PXDNL: variants seen among roughly 807,000 people sequenced by gnomAD.
The protein encoded by PXDNL is peroxidasin like.
PXDNL carries 145 observed loss-of-function variants against 150.8 expected under a neutral mutation model. The observed-to-expected ratio is 0.96, with a 90% CI of 0.84 to 1.10. PXDNL has a LOEUF of 1.10. Among genes scored for constraint, PXDNL ranks in the 50% least tolerant of loss-of-function variants. The pLI, the probability that PXDNL is intolerant of heterozygous loss-of-function variation, is 0.00. For missense variants in PXDNL, 2,087 were observed against 1,873.9 expected, an observed-to-expected ratio of 1.11 and a Z score of -2.10; for synonymous variants, 757 against 725.7, an observed-to-expected ratio of 1.04 and a Z score of -0.69.
intron 21 of PXDNL, among the ~76,000 whole-genome samples, chr8:51,323,955 A>ACT: frequency 6.6e-6 from 1 of 150,884 alleles, no homozygotes; most frequent in African/African-American, 2.4e-5. Context: ...AAATAAAAAA[A>ACT]AAAAGAATCT....
At chr8:51,700,999 A>G (rs1383225083) in intron 1 of PXDNL, among the ~76,000 whole-genome samples, 2 of 152,040 alleles carry the variant, frequency 1.3e-5, no homozygotes, top group Non-Finnish European at 2.9e-5. Context: ...ATACATACAG[A>G]CACAGAGATG....
At chr8:51,526,424 TA>T (rs1200221248) in intron 4 of PXDNL, among the ~76,000 whole-genome samples, 1 of 151,836 alleles carries the variant, frequency 6.6e-6, no homozygotes, top group African/African-American at 2.4e-5. Flanking sequence ...ATGAAGCCAA[TA>T]GTGTCTAAAG....
intron 2 of PXDNL, among the ~76,000 whole-genome samples, chr8:51,636,029 A>C (rs754128039): frequency 1.8e-4 from 28 of 152,154 alleles, no homozygotes; most frequent in Non-Finnish European, 2.9e-4. Flanking sequence ...TAACCTAAGA[A>C]TGCAAGGATA....
chr8:51,441,410 C>A (rs560743455), intron 12 of PXDNL, among the ~76,000 whole-genome samples: 1 of 152,070 alleles, frequency 6.6e-6, no homozygotes, highest in African/African-American at 2.4e-5. Flanking sequence ...CACACAGAAG[C>A]GGAGACTAGC....
intron 1 of PXDNL, among the ~76,000 whole-genome samples, chr8:51,726,696 C>T (rs767941646): frequency 3.3e-5 from 5 of 152,120 alleles, no homozygotes; most frequent in Non-Finnish European, 5.9e-5. Context: ...TAAAATAAAT[C>T]TTGCAGTGAC....
At chr8:51,778,650 G>C (rs1234314526) in intron 1 of PXDNL, among the ~76,000 whole-genome samples, 1 of 152,198 alleles carries the variant, frequency 6.6e-6, no homozygotes, top group African/African-American at 2.4e-5. Flanking sequence ...CAAAATGACA[G>C]GACTGGAAAG....
intron 4 of PXDNL, among the ~76,000 whole-genome samples, chr8:51,548,945 A>G (rs1812421349): frequency 2.6e-5 from 4 of 152,134 alleles, no homozygotes; most frequent in Admixed American, 2.6e-4. Context: ...CACCTAACAC[A>G]TAAGGACTCA....
At chr8:51,697,996 A>G (rs913935767) in intron 1 of PXDNL, among the ~76,000 whole-genome samples, 4 of 152,238 alleles carry the variant, frequency 2.6e-5, no homozygotes, top group African/African-American at 9.6e-5. Flanking sequence ...AAAGTACTTA[A>G]GTAAAACATA....
chr8:51,725,079 C>T (rs1048468013), intron 1 of PXDNL, among the ~76,000 whole-genome samples: 8 of 152,074 alleles, frequency 5.3e-5, no homozygotes, highest in South Asian at 4.1e-4. Context: ...GTTCGAACTC[C>T]GGGTGTTTAT....
intron 1 of PXDNL, among the ~76,000 whole-genome samples, chr8:51,758,527 A>G (rs1178575167): frequency 1.3e-5 from 2 of 152,222 alleles, no homozygotes; most frequent in Non-Finnish European, 2.9e-5. Context: ...TATAATCCCC[A>G]TAATCCCCAT....
intron 1 of PXDNL, among the ~76,000 whole-genome samples, chr8:51,738,554 AAC>A (rs1157468856): frequency 2.0e-5 from 3 of 151,970 alleles, no homozygotes; most frequent in African/African-American, 7.3e-5. Context: ...CTAAACTGGA[AAC>A]ACACGCACAC....
chr8:51,694,251 C>G (rs1816066446), intron 1 of PXDNL, among the ~76,000 whole-genome samples: 1 of 152,042 alleles, frequency 6.6e-6, no homozygotes, highest in African/African-American at 2.4e-5. Context: ...TAATCCCAGC[C>G]ACTTGGAAGG....
chr8:51,787,670 CTGG>C (rs2037472707), intron 1 of PXDNL, among the ~76,000 whole-genome samples: 1 of 152,184 alleles, frequency 6.6e-6, no homozygotes, highest in Admixed American at 6.5e-5. Flanking sequence ...GAGTCAACTG[CTGG>C]TGAAGATACT....
At chr8:51,598,037 T>C (rs1259112727) in intron 2 of PXDNL, among the ~76,000 whole-genome samples, 1 of 152,126 alleles carries the variant, frequency 6.6e-6, no homozygotes, top group African/African-American at 2.4e-5. Context: ...TTAATTTGGC[T>C]ATCAGCTTGA....
At chr8:51,635,672 G>A (rs1228317458) in intron 2 of PXDNL, among the ~76,000 whole-genome samples, 2 of 152,026 alleles carry the variant, frequency 1.3e-5, no homozygotes, top group African/African-American at 4.8e-5. Flanking sequence ...GAAAATCTGA[G>A]TGGGGGGCGA....
intron 1 of PXDNL, among the ~76,000 whole-genome samples, chr8:51,777,424 C>A (rs1368328521): frequency 2.6e-5 from 4 of 152,184 alleles, no homozygotes; most frequent in Non-Finnish European, 4.4e-5. Flanking sequence ...GAAAGTGAAA[C>A]CATAGCTGCC....
intron 17 of PXDNL, among the ~76,000 whole-genome samples, chr8:51,383,022 G>T (rs938586641): frequency 6.6e-6 from 1 of 152,152 alleles, no homozygotes; most frequent in Non-Finnish European, 1.5e-5. Flanking sequence ...TCCAAGAAAT[G>T]TTGGGAGTCT....
At chr8:51,754,958 C>T (rs575492383) in intron 1 of PXDNL, among the ~76,000 whole-genome samples, 9 of 152,280 alleles carry the variant, frequency 5.9e-5, no homozygotes, top group South Asian at 4.2e-4. Flanking sequence ...CCTGGCCTCA[C>T]GGGATCCTCC....
intron 2 of PXDNL, among the ~76,000 whole-genome samples, chr8:51,611,477 T>C (rs1287869767): frequency 6.6e-6 from 1 of 152,226 alleles, no homozygotes; most frequent in African/African-American, 2.4e-5. Context: ...TTAAACACTT[T>C]TTTGTGTAAT....
Sources: gnomAD v4.1 joint callset for allele counts (sites outside exome capture counted in the v4.1 genomes callset) on GRCh38, gnomAD v4.1.1 for gene constraint, MANE v1.5 for transcripts, NCBI Gene and HGNC (gene_info 2026-07-23, HGNC 2026-07-21) for gene names.